Variants in SMYD1 observed in about 807,000 individuals in gnomAD.
SMYD1 encodes histone-lysine N-methyltransferase SMYD1.
A neutral mutation model predicts 54.0 loss-of-function variants in SMYD1; 49 were observed. That is an observed-to-expected ratio of 0.91 (90% CI 0.72 to 1.15). The LOEUF is 1.15. SMYD1 is among the 50% of genes most tolerant of loss of function. The pLI is 0.00. For missense variants in SMYD1, 653 were observed against 639.6 expected (o/e 1.02, Z -0.23); for synonymous variants, 269 against 234.2 (o/e 1.15, Z -1.36).
rs1675063495 is a variant in SMYD1, at chr2:88,112,957, C to G, written c.*2445C>G. 6.6e-6 allele frequency: 1 copy of G among 152,214 alleles called. No homozygotes were observed. Among genetic ancestry groups the G allele is most frequent in the Non-Finnish European group, 1.5e-5 (1 of 68,064 alleles). 9.4% of individuals were successfully genotyped at this position (152,214 alleles called of 1,614,324 possible). A position where few individuals can be genotyped will look rare whatever the true frequency, so the allele number is the denominator to read the frequency against. ...CCTTCATTTAATGACCACCTTAGGG[C>G]TGATGATTCTCAAATCTGTATTCCC... On this transcript the variant is annotated 3_prime_UTR_variant, in exon 10 of 10. Transcript: ENST00000419482.
chr2:88,080,712 A>G (rs1674170077), intron 1 of SMYD1, among the ~76,000 whole-genome samples: 2 of 152,114 alleles, frequency 1.3e-5, no homozygotes, highest in Non-Finnish European at 2.9e-5. Context: ...AACCTAAGAC[A>G]TACTCTGAAA....
chr2:88,103,247 A>C, intron 7 of SMYD1, 97 bp downstream of exon 7: 40 of 624,786 alleles, frequency 6.4e-5, no homozygotes, highest in Non-Finnish European at 9.5e-5. Context: ...GCGGCGGGGG[A>C]GGGGGGCTAC....
At chr2:88,074,105 A>G (rs1356842753) in intron 1 of SMYD1, among the ~76,000 whole-genome samples, 2 of 152,170 alleles carry the variant, frequency 1.3e-5, no homozygotes, top group Non-Finnish European at 2.9e-5. Flanking sequence ...ACCTCAAGAG[A>G]TTTGCCTGCC....
Position 88,112,191 on chromosome 2 carries a change from T to C in SMYD1, c.*1679T>C. On this transcript the variant is annotated 3_prime_UTR_variant, in exon 10 of 10. Transcript: ENST00000419482. ...TTCTCCCAGGGATCTAACTGGCTAG[T>C]TCAAATTATCACTCTTTTACCTTCA... 1 of 702,972 alleles carries C rather than the reference T, an allele frequency of 1.4e-6. No individual in the cohort carries two copies. The allele number at this position is 702,972 out of a possible 1,614,324, so 43.5% of individuals were successfully genotyped here.
intron 6 of SMYD1, among the ~76,000 whole-genome samples, chr2:88,098,836 C>T (rs1186247737): frequency 6.6e-6 from 1 of 152,166 alleles, no homozygotes; most frequent in Non-Finnish European, 1.5e-5. Flanking sequence ...TTTCTTTTCC[C>T]TATAATGCTG....
intron 6 of SMYD1, among the ~76,000 whole-genome samples, chr2:88,102,701 A>G (rs1674746840): frequency 6.6e-6 from 1 of 152,214 alleles, no homozygotes; most frequent in Non-Finnish European, 1.5e-5. Context: ...ACTTGAAACA[A>G]AGAGGGAGAG....
chr2:88,070,931 A>C (rs1256059515), intron 1 of SMYD1, among the ~76,000 whole-genome samples: 5 of 138,266 alleles, frequency 3.6e-5, no homozygotes, highest in Non-Finnish European at 6.2e-5. Context: ...TGACAGAGCA[A>C]GACTATTTCT....
intron 2 of SMYD1, among the ~76,000 whole-genome samples, chr2:88,087,034 T>C (rs1250401510): frequency 8.9e-6 from 1 of 111,864 alleles, no homozygotes; most frequent in Non-Finnish European, 1.7e-5. Context: ...GGAGTTTTAC[T>C]TTGCAAAAAA....
chr2:88,097,896 G>T (rs934927740), intron 6 of SMYD1, among the ~76,000 whole-genome samples: 1 of 152,144 alleles, frequency 6.6e-6, no homozygotes, highest in African/African-American at 2.4e-5. Flanking sequence ...GATGCCTGGG[G>T]TGAAGAGATT....
At chr2:88,098,001 GTATTCTAGGACATGTA>G in intron 6 of SMYD1, among the ~76,000 whole-genome samples, 1 of 152,160 alleles carries the variant, frequency 6.6e-6, no homozygotes, top group Admixed American at 6.5e-5. Flanking sequence ...TCAAAGGTGT[GTATTCTAGGACATGTA>G]TATTGGATGC....
chr2:88,091,679 A>G (rs1573112561), intron 4 of SMYD1, among the ~76,000 whole-genome samples: 1 of 152,148 alleles, frequency 6.6e-6, no homozygotes, highest in Non-Finnish European at 1.5e-5. Flanking sequence ...ATACCCCCGT[A>G]TCTATAAAAA....
chr2:88,080,556 G>A lies in SMYD1; in HGVS notation c.138-3760G>A, dbSNP rs114618995. Among the ~76,000 whole-genome samples the A allele has an allele frequency of 4.8e-3, 738 of 152,294 alleles. 5 individuals carry two copies. The highest frequency in any genetic ancestry group is 0.016 in the African/African-American group (670 of 41,560). ...TACAAGTGGCAGGTTACAAGGGACA[G>A]ACAGCATGATTGTGCTTGCGTCTAA... On this transcript the variant is annotated intron_variant, in intron 1 of 9. Transcript: ENST00000419482.
In SMYD1 at chr2:88,090,785, T is replaced by G. The variant is rs1029018533; in HGVS notation, c.529-227T>G. Among the ~76,000 whole-genome samples the G allele has an allele frequency of 4.6e-5, 7 of 152,330 alleles. No individual in the cohort carries two copies. The East Asian group carries it at 1.3e-3, about 29-fold the overall frequency. ...TTTAGAATAGAGCCACAAAAAACTT[T>G]CAAGGTAGGGCTGCATTTTTGCAGG... is the stretch of plus-strand genomic sequence containing the variant. On this transcript the variant is annotated intron_variant, in intron 3 of 9. Coordinates refer to ENST00000419482, the MANE Select transcript of SMYD1 (RefSeq NM_198274.4).
intron 9 of SMYD1, among the ~76,000 whole-genome samples, chr2:88,109,069 G>A (rs557176389): frequency 6.6e-6 from 1 of 152,302 alleles, no homozygotes; most frequent in African/African-American, 2.4e-5. Context: ...ATTTCAATGT[G>A]AGATTTGGAA....
At chr2:88,109,826 C>A (rs893274342) in intron 9 of SMYD1, among the ~76,000 whole-genome samples, 3 of 152,134 alleles carry the variant, frequency 2.0e-5, no homozygotes, top group African/African-American at 7.2e-5. Context: ...AAAGGCAGAG[C>A]CTTTGTCAAT....
intron 2 of SMYD1, among the ~76,000 whole-genome samples, chr2:88,085,746 G>T (rs895780264): frequency 6.6e-6 from 1 of 152,106 alleles, no homozygotes; most frequent in African/African-American, 2.4e-5. Flanking sequence ...GTGCTGAGTC[G>T]TATTTTCCCC....
At chr2:88,108,276 G>C in intron 8 of SMYD1, 95 bp from the exon 9 acceptor site, 1 of 1,257,446 alleles carries the variant, frequency 8.0e-7, no homozygotes, top group Non-Finnish European at 1.1e-6. Context: ...AAGACAGATG[G>C]GCTTAATCAA....
intron 6 of SMYD1, among the ~76,000 whole-genome samples, chr2:88,099,036 G>A (rs552727014): frequency 5.0e-4 from 76 of 152,126 alleles, no homozygotes; most frequent in African/African-American, 1.7e-3. Context: ...GACTGTCTTT[G>A]TTTAGGCTGC....
At chr2:88,106,191 C>T in intron 7 of SMYD1, 134 bp from the exon 8 acceptor site, 1 of 1,218,982 alleles carries the variant, frequency 8.2e-7, no homozygotes, top group Non-Finnish European at 1.1e-6. Flanking sequence ...CAAACCTGTG[C>T]TTTCCCACCT....
Sources: gnomAD v4.1 joint callset for allele counts (sites outside exome capture counted in the v4.1 genomes callset) on GRCh38, gnomAD v4.1.1 for gene constraint, MANE v1.5 for transcripts, NCBI Gene and HGNC (gene_info 2026-07-23, HGNC 2026-07-21) for gene names.